Variants in RANBP2 observed in about 807,000 individuals in gnomAD.
RANBP2 encodes the protein E3 SUMO-protein ligase RanBP2.
In RANBP2, 57 loss-of-function variants were observed where a neutral mutation model predicts 303.6. The ratio of observed to expected loss-of-function variants is 0.19; its 90% confidence interval spans 0.15 to 0.23. RANBP2 has a LOEUF of 0.23. Among genes scored for constraint, RANBP2 ranks in the 10% least tolerant of loss-of-function variants. The pLI, the probability that RANBP2 is intolerant of heterozygous loss-of-function variation, is 1.00. For synonymous variants in RANBP2, 1,167 were observed against 1,301.5 expected (o/e 0.90, Z 2.23); for missense variants, 3,138 against 3,780.8 (o/e 0.83, Z 4.46).
chr2:108,865,974 T>C, the RANBP2 span, among the ~76,000 whole-genome samples: 1 of 152,156 alleles, frequency 6.6e-6, no homozygotes, highest in East Asian at 1.9e-4. Flanking sequence ...TACCTCTTTC[T>C]CTTCCTGGGG....
At chr2:109,734,322 A>C in the RANBP2 span, among the ~76,000 whole-genome samples, 15 of 152,356 alleles carry the variant, frequency 9.8e-5, no homozygotes, top group East Asian at 2.9e-3. Context: ...TGCAGTGTAC[A>C]AAATCAACAC....
the RANBP2 span, among the ~76,000 whole-genome samples, chr2:109,480,144 A>G: frequency 1.3e-5 from 2 of 152,212 alleles, no homozygotes; most frequent in African/African-American, 4.8e-5. Context: ...ACACTTGCAT[A>G]TCAACCACAT....
chr2:109,740,667 C>A, the RANBP2 span, among the ~76,000 whole-genome samples: 1 of 151,472 alleles, frequency 6.6e-6, no homozygotes, highest in Non-Finnish European at 1.5e-5. Context: ...AATTGATAAA[C>A]CTTTAGTCAG....
chr2:109,013,823 C>T, the RANBP2 span, among the ~76,000 whole-genome samples: 2 of 152,118 alleles, frequency 1.3e-5, no homozygotes, highest in East Asian at 1.9e-4. Context: ...GTGATCTGCC[C>T]ACCTCAGCCT....
chr2:109,259,173 C>T, the RANBP2 span, among the ~76,000 whole-genome samples: 19 of 152,340 alleles, frequency 1.2e-4, 1 homozygote, highest in East Asian at 1.9e-3. Context: ...TTACAAAAGC[C>T]GGGTTGAGGA....
At chr2:109,231,351 C>A in the RANBP2 span, among the ~76,000 whole-genome samples, 1 of 152,180 alleles carries the variant, frequency 6.6e-6, no homozygotes, top group East Asian at 1.9e-4. Flanking sequence ...AAAATAACTC[C>A]CCTGGGAGAA....
At chr2:109,194,332 C>T in the RANBP2 span, among the ~76,000 whole-genome samples, 1 of 152,216 alleles carries the variant, frequency 6.6e-6, no homozygotes, top group Non-Finnish European at 1.5e-5. Flanking sequence ...CTGCGGTGTC[C>T]CCAGCTGTGC....
the RANBP2 span, among the ~76,000 whole-genome samples, chr2:109,075,050 GAA>G: frequency 0.37 from 38,653 of 104,516 alleles, 8,357 homozygotes; most frequent in Non-Finnish European, 0.45. Context: ...AAAAAAAAAA[GAA>G]GAAGAAGAAA....
At chr2:109,225,560 G>T in the RANBP2 span, among the ~76,000 whole-genome samples, 1 of 152,342 alleles carries the variant, frequency 6.6e-6, no homozygotes, top group South Asian at 2.1e-4. Flanking sequence ...GCCAGGGAAT[G>T]ATTTTTAATG....
the RANBP2 span, among the ~76,000 whole-genome samples, chr2:108,871,617 ATTGT>A: frequency 1.3e-5 from 2 of 152,120 alleles, no homozygotes; most frequent in South Asian, 4.1e-4. Context: ...TTTTTTGTAC[ATTGT>A]TTATGTTGGT....
At chr2:109,237,019 G>C in the RANBP2 span, among the ~76,000 whole-genome samples, 419 of 152,234 alleles carry the variant, frequency 2.8e-3, 2 homozygotes, top group African/African-American at 9.8e-3. Flanking sequence ...AACTTAGAAG[G>C]TAGAGAAGCC....
At chr2:108,875,694 C>T in the RANBP2 span, among the ~76,000 whole-genome samples, 2 of 152,120 alleles carry the variant, frequency 1.3e-5, no homozygotes, top group East Asian at 1.9e-4. Flanking sequence ...CCTGTCTCTA[C>T]AAAAAATAAA....
the RANBP2 span, among the ~76,000 whole-genome samples, chr2:109,422,399 G>A: frequency 6.6e-6 from 1 of 152,212 alleles, no homozygotes. Flanking sequence ...GAGATTAAGA[G>A]GCCTAATCCT....
At chr2:109,116,423 C>T in the RANBP2 span, among the ~76,000 whole-genome samples, 10 of 152,180 alleles carry the variant, frequency 6.6e-5, no homozygotes, top group South Asian at 4.1e-4. Context: ...TTGATCACAT[C>T]GGCTCCTGAG....
the RANBP2 span, among the ~76,000 whole-genome samples, chr2:109,610,867 G>A: frequency 1.3e-5 from 2 of 152,094 alleles, no homozygotes; most frequent in Admixed American, 6.5e-5. Context: ...TAGATAAGAC[G>A]ATTCTAAAAC....
the RANBP2 span, among the ~76,000 whole-genome samples, chr2:108,994,759 A>G: frequency 6.6e-6 from 1 of 150,690 alleles, no homozygotes; most frequent in Non-Finnish European, 1.5e-5. Context: ...GTATGGGTCC[A>G]TAGTATAAAC....
At chr2:109,054,696 C>CAAAAA in the RANBP2 span, among the ~76,000 whole-genome samples, 1 of 57,854 alleles carries the variant, frequency 1.7e-5, no homozygotes, top group African/African-American at 5.6e-5. Context: ...GACTCCGTCT[C>CAAAAA]AAAAAAAAAA....
chr2:108,841,415 G>C, the RANBP2 span, among the ~76,000 whole-genome samples: 1 of 151,694 alleles, frequency 6.6e-6, no homozygotes. Context: ...CATCTGTTTT[G>C]CCTCACATAT....
chr2:108,773,792 A>G (rs547982931), intron 23 of RANBP2, among the ~76,000 whole-genome samples: 1 of 151,882 alleles, frequency 6.6e-6, no homozygotes, highest in Non-Finnish European at 1.5e-5. Context: ...GACTACAGGC[A>G]TGCGCCACCA....
Sources: allele counts gnomAD v4.1 joint callset (sites outside exome capture counted in the v4.1 genomes callset), GRCh38; gene constraint gnomAD v4.1.1; transcripts MANE v1.5; gene names NCBI Gene and HGNC (gene_info 2026-07-23, HGNC 2026-07-21).